The following RFC3 variants were observed in gnomAD, a reference collection of about 807,000 sequenced individuals.
RFC3 encodes replication factor C subunit 3, also known as A1 38 kDa subunit.
Under a neutral mutation model 45.1 loss-of-function variants are expected in RFC3, and 41 were observed. That is an observed-to-expected ratio of 0.91 (90% confidence interval 0.71 to 1.18). RFC3 has a LOEUF of 1.18. RFC3 is among the 50% of genes most tolerant of loss of function. The pLI is 0.00. For synonymous variants in RFC3, 149 were observed against 144.0 expected (o/e 1.03, Z -0.25); for missense variants, 423 against 428.1 (o/e 0.99, Z 0.10).
intron 7 of RFC3, among the ~76,000 whole-genome samples, chr13:33,834,298 G>GTATATATACATATA (rs2082130566): frequency 9.2e-6 from 1 of 109,220 alleles, no homozygotes; most frequent in African/African-American, 4.1e-5. Context: ...TGTACTGTGT[G>GTATATATACATATA]TATATATATA....
At chr13:33,924,757 AT>A (rs1350271042) in intron 8 of RFC3, among the ~76,000 whole-genome samples, 1 of 147,350 alleles carries the variant, frequency 6.8e-6, no homozygotes, top group Non-Finnish European at 1.5e-5. Flanking sequence ...GGGCCTGGTG[AT>A]TGAGGGGAAA....
At position 33,940,726 on chromosome 13, in the gene RFC3, C is replaced by G. The variant is rs184396783; in HGVS notation, c.880-25361C>G. Among the ~76,000 whole-genome samples the G allele has an allele frequency of 1.4e-3, 215 of 152,278 alleles. 2 individuals carry two copies. The highest frequency in any genetic ancestry group is 4.8e-3 in the African/African-American group (200 of 41,568). On this transcript the variant is annotated intron_variant, in intron 8 of 8. Coordinates refer to the RFC3 transcript ENST00000434425. ...TAATAAAATTACTTTCATCAATTCT[C>G]TGATCATGCTGAAACCTTACAATAG...
At chr13:33,879,395 A>G (rs1227929338) in intron 8 of RFC3, among the ~76,000 whole-genome samples, 1 of 152,168 alleles carries the variant, frequency 6.6e-6, no homozygotes, top group African/African-American at 2.4e-5. Context: ...AAACAACTGT[A>G]CTACATTAGC....
chr13:33,827,250 C>T (rs2082058275), intron 4 of RFC3, among the ~76,000 whole-genome samples: 1 of 152,162 alleles, frequency 6.6e-6, no homozygotes, highest in Non-Finnish European at 1.5e-5. Context: ...GATTGCACTA[C>T]TGTACTCCAG....
intron 7 of RFC3, among the ~76,000 whole-genome samples, chr13:33,834,298 G>GTGTGTGTGTATATA: frequency 9.2e-6 from 1 of 109,206 alleles, no homozygotes; most frequent in East Asian, 3.0e-4. Context: ...TGTACTGTGT[G>GTGTGTGTGTATATA]TATATATATA....
At chr13:33,827,366 C>G (rs1201132005) in intron 4 of RFC3, among the ~76,000 whole-genome samples, 7 of 152,130 alleles carry the variant, frequency 4.6e-5, no homozygotes, top group Non-Finnish European at 8.8e-5. Context: ...TGTTTTCTGC[C>G]TACCAAGTAC....
the RFC3 span, among the ~76,000 whole-genome samples, chr13:33,972,331 C>T: frequency 3.3e-5 from 5 of 152,070 alleles, no homozygotes; most frequent in South Asian, 4.2e-4. Context: ...TATCTCTGGG[C>T]CCACAACCTC....
chr13:33,850,327 A>T (rs2082268401), intron 8 of RFC3: 1 of 152,172 alleles, frequency 6.6e-6, no homozygotes, highest in Non-Finnish European at 1.5e-5. Context: ...TGGTTCAAGA[A>T]AAATTGAGCA....
At chr13:33,974,168 C>T in the RFC3 span, among the ~76,000 whole-genome samples, 9 of 152,238 alleles carry the variant, frequency 5.9e-5, no homozygotes, top group African/African-American at 7.2e-5. Context: ...ATCATCCTGG[C>T]GCAAAACAAG....
intron 8 of RFC3, chr13:33,850,844 CTT>C (rs953107122): frequency 2.0e-5 from 3 of 151,896 alleles, no homozygotes; most frequent in African/African-American, 7.3e-5. Context: ...TGAGTCACAA[CTT>C]TTTTTTAATT....
chr13:33,942,088 C>A (rs2137805437), intron 8 of RFC3, among the ~76,000 whole-genome samples: 1 of 152,032 alleles, frequency 6.6e-6, no homozygotes, highest in African/African-American at 2.4e-5. Flanking sequence ...CTCTAAAATT[C>A]TCTTATCTTT....
intron 8 of RFC3, among the ~76,000 whole-genome samples, chr13:33,883,288 A>C (rs1260766998): frequency 1.3e-5 from 2 of 152,222 alleles, no homozygotes; most frequent in African/African-American, 4.8e-5. Context: ...ATGGACATGG[A>C]AAATGAAAGA....
At chr13:33,970,908 GAT>G (rs1566046902), downstream of RFC3, among the ~76,000 whole-genome samples, 1 of 152,234 alleles carries the variant, frequency 6.6e-6, no homozygotes, top group African/African-American at 2.4e-5. Flanking sequence ...TAGCCAAAGA[GAT>G]GTCAGTCCTG....
At chr13:33,973,033 T>C in the RFC3 span, among the ~76,000 whole-genome samples, 9 of 152,122 alleles carry the variant, frequency 5.9e-5, no homozygotes, top group African/African-American at 2.2e-4. Context: ...CATATCAGCT[T>C]TGAAGGATGA....
At chr13:33,963,359 A>G (rs1340831349) in intron 8 of RFC3, among the ~76,000 whole-genome samples, 1 of 152,214 alleles carries the variant, frequency 6.6e-6, no homozygotes, top group African/African-American at 2.4e-5. Context: ...AAGGCTCAGG[A>G]TGGCTCTTGC....
chr13:33,900,847 A>G, intron 8 of RFC3, among the ~76,000 whole-genome samples: 1 of 144,694 alleles, frequency 6.9e-6, no homozygotes, highest in South Asian at 2.2e-4. Flanking sequence ...AAAAAAAAAA[A>G]TAATAAATAT....
chr13:33,951,609 C>T (rs765543164), intron 8 of RFC3, among the ~76,000 whole-genome samples: 5 of 151,942 alleles, frequency 3.3e-5, no homozygotes, highest in Non-Finnish European at 7.4e-5. Flanking sequence ...CCTTAGTTGA[C>T]TAAATGGAGA....
chr13:33,891,760 A>G (rs2082564783), intron 8 of RFC3, among the ~76,000 whole-genome samples: 3 of 152,184 alleles, frequency 2.0e-5, no homozygotes, highest in African/African-American at 7.2e-5. Flanking sequence ...TACAATGTCA[A>G]ATATATATGT....
At chr13:33,944,723 C>T (rs1002320679) in intron 8 of RFC3, among the ~76,000 whole-genome samples, 1 of 152,100 alleles carries the variant, frequency 6.6e-6, no homozygotes, top group South Asian at 2.1e-4. Flanking sequence ...AAAGTTAGCA[C>T]TTGAGAATGG....
Sources: gnomAD v4.1 joint callset for allele counts (sites outside exome capture counted in the v4.1 genomes callset) on GRCh38, gnomAD v4.1.1 for gene constraint, MANE v1.5 for transcripts, NCBI Gene and HGNC (gene_info 2026-07-23, HGNC 2026-07-21) for gene names.